The following HRH1 variants were observed in gnomAD, a reference collection of about 807,000 sequenced individuals.
HRH1 encodes histamine receptor H1, also known as histamine H1 receptor.
A neutral mutation model predicts 10.3 loss-of-function variants in HRH1; 6 were observed. That is an observed-to-expected ratio of 0.58 (90% confidence interval 0.32 to 1.15). The LOEUF is 1.15. Ranked by LOEUF, HRH1 falls within the 50% of genes most tolerant of loss-of-function variation. The probability of loss-of-function intolerance (pLI) is 0.05; values close to 1 mark genes in which losing one functional copy is unlikely to be tolerated. For synonymous variants in HRH1, 242 were observed against 236.7 expected (o/e 1.02, Z -0.21); for missense variants, 514 against 615.3 (o/e 0.84, Z 1.74).
chr3:11,208,008 C>A, intron 1 of HRH1, among the ~76,000 whole-genome samples: 1 of 152,204 alleles, frequency 6.6e-6, no homozygotes, highest in East Asian at 1.9e-4. Context: ...AGTCTTTCCA[C>A]GCAAGAGCAG....
At chr3:11,237,379 T>C (rs955076611) in intron 1 of HRH1, among the ~76,000 whole-genome samples, 15 of 152,142 alleles carry the variant, frequency 9.9e-5, no homozygotes, top group Non-Finnish European at 2.9e-5. Context: ...GGGGAGTATG[T>C]GAAGTTCACT....
At chr3:11,231,489 A>C (rs1939039967) in intron 1 of HRH1, among the ~76,000 whole-genome samples, 1 of 152,358 alleles carries the variant, frequency 6.6e-6, no homozygotes, top group African/African-American at 2.4e-5. Context: ...TGCAGTCTTC[A>C]TCAGCATTTG....
intron 1 of HRH1, among the ~76,000 whole-genome samples, chr3:11,171,192 G>C (rs916202673): frequency 6.7e-6 from 1 of 150,190 alleles, no homozygotes; most frequent in Non-Finnish European, 1.5e-5. Context: ...TCTCAGCTCA[G>C]TGTAACCTTC....
At chr3:11,246,863 C>T (rs1290153810) in intron 1 of HRH1, among the ~76,000 whole-genome samples, 1 of 152,068 alleles carries the variant, frequency 6.6e-6, no homozygotes, top group Non-Finnish European at 1.5e-5. Flanking sequence ...CTGGGCAATA[C>T]AGTGAGACCC....
At chr3:11,166,416 T>C (rs1437809885) in intron 1 of HRH1, among the ~76,000 whole-genome samples, 1 of 152,260 alleles carries the variant, frequency 6.6e-6, no homozygotes, top group East Asian at 1.9e-4. Flanking sequence ...TTCCGGTGTA[T>C]GAGGTGCTCC....
intron 1 of HRH1, among the ~76,000 whole-genome samples, chr3:11,235,853 T>C (rs976489772): frequency 2.6e-5 from 4 of 152,256 alleles, no homozygotes; most frequent in African/African-American, 9.6e-5. Flanking sequence ...AGGCAGCCTC[T>C]TTCCCAGTCC....
At chr3:11,221,721 T>A (rs1289774834) in intron 1 of HRH1, among the ~76,000 whole-genome samples, 2 of 152,106 alleles carry the variant, frequency 1.3e-5, no homozygotes, top group Non-Finnish European at 2.9e-5. Context: ...AAAACTGAAA[T>A]TCTGTACCCA....
At chr3:11,178,694 T>A (rs1937292223) in intron 1 of HRH1, among the ~76,000 whole-genome samples, 1 of 152,112 alleles carries the variant, frequency 6.6e-6, no homozygotes, top group Admixed American at 6.5e-5. Context: ...AACTCCAAGG[T>A]GTGAGTTACA....
chr3:11,148,180 C>CAAAAAAAAA (rs58792725), intron 1 of HRH1, among the ~76,000 whole-genome samples: 14 of 85,922 alleles, frequency 1.6e-4, no homozygotes, highest in East Asian at 8.9e-4. Context: ...CTCTGTCAAA[C>CAAAAAAAAA]AAAAAAAAAA....
intron 1 of HRH1, among the ~76,000 whole-genome samples, chr3:11,241,449 A>C (rs58436312): frequency 0.026 from 3,929 of 152,288 alleles, 170 homozygotes; most frequent in African/African-American, 0.086. Context: ...CTGTCTTACA[A>C]GAGGATTGTA....
intron 1 of HRH1, among the ~76,000 whole-genome samples, chr3:11,166,446 TG>T (rs1937033008): frequency 6.6e-6 from 1 of 152,238 alleles, no homozygotes; most frequent in African/African-American, 2.4e-5. Context: ...ACGGGATTCC[TG>T]CAGAACAGAG....
At position 11,183,936 on chromosome 3, in the gene HRH1, G is replaced by A. The variant is rs552762303; in HGVS notation, c.-36+29382G>A. Among the ~76,000 whole-genome samples the A allele has an allele frequency of 3.4e-5, 5 of 145,576 alleles. No homozygotes were observed. The South Asian group carries it at 6.6e-4, about 19-fold the overall frequency. On this transcript the variant is annotated intron_variant, in intron 1 of 1. Transcript: ENST00000431010. ...TCCTTGCTGCTCAGAGAGGCAGGCC[G>A]TGTGACTGGTCCTTGGTGCTCAGAG... is the stretch of plus-strand genomic sequence containing the variant.
At chr3:11,198,903 T>TACAC (rs59431924) in intron 1 of HRH1, among the ~76,000 whole-genome samples, 40 of 103,182 alleles carry the variant, frequency 3.9e-4, no homozygotes, top group African/African-American at 1.2e-3. Context: ...TCTCTCTTTA[T>TACAC]ACACACACAC....
intron 1 of HRH1, among the ~76,000 whole-genome samples, chr3:11,245,340 G>A (rs1221599968): frequency 5.4e-5 from 6 of 111,260 alleles, no homozygotes; most frequent in African/African-American, 1.5e-4. Flanking sequence ...GTGACTGAAC[G>A]AGACTTCATC....
intron 1 of HRH1, among the ~76,000 whole-genome samples, chr3:11,224,984 G>A (rs1393990048): frequency 6.6e-6 from 1 of 152,176 alleles, no homozygotes; most frequent in Non-Finnish European, 1.5e-5. Flanking sequence ...ACCCAGGCAG[G>A]GAGAAGAGAG....
intron 1 of HRH1, among the ~76,000 whole-genome samples, chr3:11,178,365 G>A (rs1317061545): frequency 6.6e-6 from 1 of 152,206 alleles, no homozygotes; most frequent in Non-Finnish European, 1.5e-5. Flanking sequence ...GGACAAATGT[G>A]GTTTCAAATC....
chr3:11,184,962 G>A (rs1278092143), intron 1 of HRH1, among the ~76,000 whole-genome samples: 1 of 150,516 alleles, frequency 6.6e-6, no homozygotes, highest in Non-Finnish European at 1.5e-5. Flanking sequence ...GATAGGCTCA[G>A]TGGACATGGG....
chr3:11,201,077 C>T (rs1419679833), intron 1 of HRH1, among the ~76,000 whole-genome samples: 1 of 152,172 alleles, frequency 6.6e-6, no homozygotes, highest in Non-Finnish European at 1.5e-5. Context: ...GGGGATCTAT[C>T]AGTGGATTCG....
At chr3:11,233,444 A>G (rs971624844) in intron 1 of HRH1, among the ~76,000 whole-genome samples, 3 of 152,030 alleles carry the variant, frequency 2.0e-5, no homozygotes, top group African/African-American at 7.2e-5. Flanking sequence ...TCAGGTAGAA[A>G]TCATGTTTCC....
Sources: allele counts gnomAD v4.1 joint callset (sites outside exome capture counted in the v4.1 genomes callset), GRCh38; gene constraint gnomAD v4.1.1; transcripts MANE v1.5; gene names NCBI Gene and HGNC (gene_info 2026-07-23, HGNC 2026-07-21).